TMEM117: variants seen among roughly 807,000 people sequenced by gnomAD.
TMEM117 encodes transmembrane protein 117.
A neutral mutation model predicts 52.4 loss-of-function variants in TMEM117; 27 were observed. The observed-to-expected ratio is 0.51, with a 90% CI of 0.38 to 0.71. TMEM117 has a LOEUF of 0.71. TMEM117 is among the 30% of genes least tolerant of loss of function. The pLI is 0.00. For missense variants in TMEM117, 556 were observed against 630.5 expected (o/e 0.88, Z 1.26); for synonymous variants, 215 against 206.3 (o/e 1.04, Z -0.36).
At chr12:44,195,706 C>A (rs575004485) in intron 4 of TMEM117, among the ~76,000 whole-genome samples, 2 of 151,896 alleles carry the variant, frequency 1.3e-5, no homozygotes, top group Non-Finnish European at 2.9e-5. Flanking sequence ...ACCTAATGAA[C>A]ATGTAACAAT....
At chr12:43,905,283 T>TA (rs1209893861) in intron 2 of TMEM117, among the ~76,000 whole-genome samples, 1 of 152,214 alleles carries the variant, frequency 6.6e-6, no homozygotes, top group Non-Finnish European at 1.5e-5. Context: ...ATGAGTTTCT[T>TA]AGTACTTAAT....
chr12:44,032,516 C>A (rs1476940420), intron 3 of TMEM117, among the ~76,000 whole-genome samples: 3 of 152,178 alleles, frequency 2.0e-5, no homozygotes, highest in Admixed American at 2.0e-4. Flanking sequence ...CATGTAGCAA[C>A]CCCATATCAG....
chr12:44,149,999 G>C (rs1207236332), intron 4 of TMEM117, among the ~76,000 whole-genome samples: 1 of 152,180 alleles, frequency 6.6e-6, no homozygotes, highest in Non-Finnish European at 1.5e-5. Context: ...TTAGCCATGG[G>C]AGCTGGACCT....
chr12:44,370,548 G>A (rs1043559749), intron 6 of TMEM117, among the ~76,000 whole-genome samples: 13 of 132,978 alleles, frequency 9.8e-5, no homozygotes, highest in Non-Finnish European at 1.4e-4. Flanking sequence ...TCACTGTGTC[G>A]CCCAGGCTGG....
At chr12:43,909,521 G>C (rs1464039627) in intron 2 of TMEM117, among the ~76,000 whole-genome samples, 2 of 142,700 alleles carry the variant, frequency 1.4e-5, no homozygotes, top group Non-Finnish European at 3.1e-5. Context: ...AGGAAATAGA[G>C]ACACAAAAAA....
At chr12:43,954,567 G>A (rs1459282455) in intron 3 of TMEM117, among the ~76,000 whole-genome samples, 1 of 152,034 alleles carries the variant, frequency 6.6e-6, no homozygotes, top group African/African-American at 2.4e-5. Flanking sequence ...TAAATTCCTG[G>A]ACCCATAAAC....
intron 2 of TMEM117, among the ~76,000 whole-genome samples, chr12:43,922,792 C>T (rs1434282789): frequency 1.3e-5 from 2 of 152,016 alleles, no homozygotes; most frequent in Non-Finnish European, 1.5e-5. Context: ...TTCTTCTCAC[C>T]ACTGATGTTT....
chr12:43,843,563 C>T (rs557448580), intron 1 of TMEM117, among the ~76,000 whole-genome samples: 1 of 152,328 alleles, frequency 6.6e-6, no homozygotes, highest in South Asian at 2.1e-4. Context: ...CAGGTTAGGA[C>T]CTACTACTGT....
Position 44,388,782 on chromosome 12 carries a change from T to C in TMEM117, c.*110T>C. On this transcript the variant is annotated 3_prime_UTR_variant, in exon 8 of 8. Transcript: ENST00000266534. ...GTTTACGTAGTGTTAGGTAAAAATATGAACAATGCCACAACGGTGCTCAAC... is the reference window on the plus strand; with the variant it reads ...GTTTACGTAGTGTTAGGTAAAAATACGAACAATGCCACAACGGTGCTCAAC... 1 of 1,204,852 alleles carries C rather than the reference T, an allele frequency of 8.3e-7. No individual in the cohort carries two copies. The highest frequency in any genetic ancestry group is 1.2e-6 in the Non-Finnish European group (1 of 859,690). 74.6% of individuals were successfully genotyped at this position (1,204,852 alleles called of 1,614,324 possible).
intron 6 of TMEM117, among the ~76,000 whole-genome samples, chr12:44,368,478 T>C (rs1951820442): frequency 6.6e-6 from 1 of 152,206 alleles, no homozygotes; most frequent in Non-Finnish European, 1.5e-5. Context: ...AATATTTTTA[T>C]ACTGAATCAC....
intron 3 of TMEM117, among the ~76,000 whole-genome samples, chr12:44,121,049 A>C (rs969371442): frequency 6.6e-6 from 1 of 152,200 alleles, no homozygotes; most frequent in Non-Finnish European, 1.5e-5. Context: ...CACGTGTTAC[A>C]TGGTGGCAGG....
intron 3 of TMEM117, among the ~76,000 whole-genome samples, chr12:43,982,085 A>AAT (rs1199835183): frequency 6.6e-6 from 1 of 152,190 alleles, no homozygotes; most frequent in Admixed American, 6.5e-5. Context: ...ATCATTATGC[A>AAT]ATATATATAT....
At chr12:44,313,830 G>A (rs546243959) in intron 6 of TMEM117, among the ~76,000 whole-genome samples, 130 of 152,106 alleles carry the variant, frequency 8.5e-4, no homozygotes, top group Non-Finnish European at 1.7e-3. Context: ...TCCTTAGTTG[G>A]TTGTATTCCT....
rs1947211028 is a variant in TMEM117, at chr12:44,065,645, C to T, written c.411-77880C>T. 2.0e-5 allele frequency among the ~76,000 whole-genome samples: 3 copies of T among 152,034 alleles called. 1 individual carries two copies. The highest frequency in any genetic ancestry group is 2.0e-4 in the Admixed American group (3 of 15,262). On this transcript the variant is annotated intron_variant, in intron 3 of 7. Coordinates refer to ENST00000266534, the MANE Select transcript of TMEM117 (RefSeq NM_032256.3). ...TCACAAATTTTATTTGGTAAAAATCCATGTAAAGCAGTTGTGTTGAGGGCT... is the reference window on the plus strand; with the variant it reads ...TCACAAATTTTATTTGGTAAAAATCTATGTAAAGCAGTTGTGTTGAGGGCT...
intron 6 of TMEM117, among the ~76,000 whole-genome samples, chr12:44,329,820 G>A (rs1192034459): frequency 1.3e-5 from 2 of 152,004 alleles, no homozygotes; most frequent in Admixed American, 6.6e-5. Flanking sequence ...GTTTATCTCT[G>A]TCATAGCAGG....
At chr12:43,900,341 A>C (rs1944282835) in intron 2 of TMEM117, among the ~76,000 whole-genome samples, 2 of 152,166 alleles carry the variant, frequency 1.3e-5, no homozygotes, top group South Asian at 4.1e-4. Context: ...TTGGAAAATT[A>C]CCCATTAATT....
chr12:43,974,252 G>C (rs535589798), intron 3 of TMEM117, among the ~76,000 whole-genome samples: 1 of 152,238 alleles, frequency 6.6e-6, no homozygotes, highest in Admixed American at 6.5e-5. Flanking sequence ...GCAGTGTCTA[G>C]AGAAACTCTA....
intron 3 of TMEM117, among the ~76,000 whole-genome samples, chr12:44,123,815 A>G (rs1174482015): frequency 1.3e-5 from 2 of 152,146 alleles, no homozygotes; most frequent in South Asian, 4.1e-4. Context: ...CCTGTATTAT[A>G]GTTTGAAGTC....
At chr12:44,015,052 A>G (rs1041047349) in intron 3 of TMEM117, among the ~76,000 whole-genome samples, 20 of 152,248 alleles carry the variant, frequency 1.3e-4, no homozygotes, top group African/African-American at 4.8e-4. Context: ...AATGGTGGCT[A>G]CAGTAATAAT....
Sources: gnomAD v4.1 joint callset for allele counts (sites outside exome capture counted in the v4.1 genomes callset) on GRCh38, gnomAD v4.1.1 for gene constraint, MANE v1.5 for transcripts, NCBI Gene and HGNC (gene_info 2026-07-23, HGNC 2026-07-21) for gene names.